DCLK2: variants seen among roughly 807,000 people sequenced by gnomAD.
The protein encoded by DCLK2 is doublecortin like kinase 2.
DCLK2 carries 31 observed loss-of-function variants against 78.4 expected under a neutral mutation model. The ratio of observed to expected loss-of-function variants is 0.40; its 90% CI spans 0.30 to 0.53. The LOEUF (loss-of-function observed/expected upper bound fraction) is 0.53, where lower values mean the gene tolerates loss of function less well. Among genes scored for constraint, DCLK2 ranks in the 20% least tolerant of loss-of-function variants. The pLI is 0.61. For synonymous variants in DCLK2, 407 were observed against 374.9 expected (o/e 1.09, Z -0.99); for missense variants, 872 against 973.7 (o/e 0.90, Z 1.39).
chr4:150,249,446 A>AG, intron 14 of DCLK2, 122 bp from the exon 15 acceptor site: 1 of 742,710 alleles, frequency 1.3e-6, no homozygotes, highest in Non-Finnish European at 2.4e-6. Flanking sequence ...TGTGGCTAAG[A>AG]GGGGCCCATT....
intron 12 of DCLK2, among the ~76,000 whole-genome samples, chr4:150,246,185 C>T (rs1488768111): frequency 6.6e-6 from 1 of 152,126 alleles, no homozygotes; most frequent in African/African-American, 2.4e-5. Context: ...GCTGGGATTA[C>T]AGGTGCGCAC....
chr4:150,222,451 T>A (rs889931834), intron 7 of DCLK2, among the ~76,000 whole-genome samples: 11 of 152,326 alleles, frequency 7.2e-5, no homozygotes, highest in Admixed American at 3.3e-4. Context: ...TCTGTACTTG[T>A]ATTAAATCGC....
chr4:150,221,516 G>A (rs931266664), intron 6 of DCLK2, among the ~76,000 whole-genome samples, 161 bp from the exon 7 acceptor site: 12 of 152,116 alleles, frequency 7.9e-5, no homozygotes, highest in African/African-American at 2.9e-4. Flanking sequence ...AAGGAAATTG[G>A]TGATTCAGGT....
At chr4:150,092,814 A>G (rs556312704) in intron 1 of DCLK2, among the ~76,000 whole-genome samples, 6 of 152,318 alleles carry the variant, frequency 3.9e-5, no homozygotes, top group African/African-American at 9.6e-5. Context: ...AATAAAGACC[A>G]TATATGAAAA....
intron 2 of DCLK2, among the ~76,000 whole-genome samples, chr4:150,131,295 A>G (rs1733295770): frequency 6.6e-6 from 1 of 152,202 alleles, no homozygotes; most frequent in Non-Finnish European, 1.5e-5. Flanking sequence ...ATGTGATATT[A>G]AAAATACATA....
chr4:150,090,863 G>A (rs1399760567), intron 1 of DCLK2, among the ~76,000 whole-genome samples: 3 of 152,076 alleles, frequency 2.0e-5, no homozygotes, highest in African/African-American at 7.2e-5. Context: ...AAAAGTAATG[G>A]TCTTTGAGGT....
intron 11 of DCLK2, 47 bp from the exon 12 acceptor site, chr4:150,240,352 C>A: frequency 1.3e-6 from 2 of 1,554,528 alleles, no homozygotes; most frequent in Non-Finnish European, 1.8e-6. Context: ...ATGGAAGGGT[C>A]TTGGGAGCCA....
rs1156796829 is a variant in DCLK2 at position 150,223,601 on chromosome 4, A to G, written c.1242-900A>G. Among the ~76,000 whole-genome samples, 8 of 152,170 alleles carry G rather than the reference A, an allele frequency of 5.3e-5. No homozygotes were observed. In the South Asian group the frequency reaches 1.7e-3, roughly 32 times the overall value. ...CTACTAAAAATACAAAAATTAGCCC[A>G]GTGGTGTTGGCAGGTGCCTGTAATC... is the stretch of plus-strand genomic sequence containing the variant. On this transcript the variant is annotated intron_variant, in intron 7 of 15. Transcript: ENST00000296550.
At chr4:150,238,778 T>G (rs1742691595) in intron 10 of DCLK2, among the ~76,000 whole-genome samples, 1 of 152,190 alleles carries the variant, frequency 6.6e-6, no homozygotes, top group Non-Finnish European at 1.5e-5. Flanking sequence ...AGAAATGTGC[T>G]CAGAGAGGTT....
Position 150,220,793 on chromosome 4 carries a change from G to C in DCLK2, c.1132+15G>C. 6.2e-7 allele frequency: 1 copy of C among 1,604,738 alleles called. No individual in the cohort carries two copies. The highest frequency in any genetic ancestry group is 1.1e-5 in the South Asian group (1 of 90,100). On this transcript the variant is annotated intron_variant, in intron 6 of 15. Coordinates refer to ENST00000296550, the MANE Select transcript of DCLK2 (RefSeq NM_001040260.4). ...AAGTCCTGAAGGTAGTTCTCAGTCT[G>C]ATCATTACTTTGATAAAGGAAATCA...
intron 2 of DCLK2, among the ~76,000 whole-genome samples, chr4:150,124,074 A>T (rs999421430): frequency 6.6e-6 from 1 of 152,066 alleles, no homozygotes; most frequent in Non-Finnish European, 1.5e-5. Context: ...AGAGCGCCAC[A>T]CTTGAAAGAG....
chr4:150,245,275 C>G (rs1185901557), intron 12 of DCLK2, among the ~76,000 whole-genome samples: 1 of 152,208 alleles, frequency 6.6e-6, no homozygotes, highest in Admixed American at 6.5e-5. Context: ...TTTCTCTTGC[C>G]TGGCCCAGTT....
chr4:150,080,879 A>C (rs1208162865), intron 1 of DCLK2, among the ~76,000 whole-genome samples: 1 of 152,166 alleles, frequency 6.6e-6, no homozygotes, highest in Non-Finnish European at 1.5e-5. Flanking sequence ...TTGTGACTTC[A>C]CCCATTCTGT....
At chr4:150,212,536 A>G (rs963829074) in intron 5 of DCLK2, among the ~76,000 whole-genome samples, 1 of 152,224 alleles carries the variant, frequency 6.6e-6, no homozygotes, top group South Asian at 2.1e-4. Flanking sequence ...TGGTGACTTC[A>G]TCTTTCCATA....
Position 150,139,866 on chromosome 4 carries a change from T to C in DCLK2, c.756+37054T>C, listed in dbSNP as rs567654833. 8.5e-5 allele frequency among the ~76,000 whole-genome samples: 13 copies of C among 152,350 alleles called. No individual in the cohort carries two copies. In the South Asian group the frequency reaches 2.3e-3, roughly 27 times the overall value. The stretch of plus-strand genomic sequence containing the variant: ...TCTTGTCATTCCATCCTTTTAAATG[T>C]ATAATTTCAAAGTTTATATGCAATT... On this transcript the variant is annotated intron_variant, in intron 2 of 15. Coordinates refer to ENST00000296550, the MANE Select transcript of DCLK2 (RefSeq NM_001040260.4).
chr4:150,079,133 A>G lies in DCLK2; in HGVS notation c.106A>G (p.Ser36Gly). The G allele has an allele frequency of 6.3e-7, 1 of 1,586,884 alleles. No individual in the cohort carries two copies. Among genetic ancestry groups the G allele is most frequent in the Non-Finnish European group, 8.6e-7 (1 of 1,167,700 alleles). Residue 36 changes from serine to glycine, a missense_variant, in exon 1 of 16, where the codon AGC (serine) becomes GGC (glycine). Physicochemically the swap from Ser to Gly is moderately conservative, Grantham distance 56. This residue lies in a region of DCLK2 where 567 missense variants were observed against 593.4 expected (regional missense o/e 0.96). Transcript: ENST00000296550. Reference sequence around the variant, plus strand: ...CCCCAGCTCCTCCGGGGGCAGCAGCAGCTCGGGCCCCAAGGGGAACGGGCT... The same window carrying G: ...CCCCAGCTCCTCCGGGGGCAGCAGCGGCTCGGGCCCCAAGGGGAACGGGCT... ...GAPSSSGGSS[S>G]SGPKGNGLIP...
Position 150,249,634 on chromosome 4 carries a change from A to G in DCLK2, c.2023A>G (p.Asn675Asp), listed in dbSNP as rs758462060. 1 of 1,613,780 alleles carries G rather than the reference A, an allele frequency of 6.2e-7. No individual in the cohort carries two copies. Among genetic ancestry groups the G allele is most frequent in the Non-Finnish European group, 8.5e-7 (1 of 1,179,962 alleles). The change falls in exon 15 of 16, where the codon AAT (asparagine) becomes GAT (aspartate). Residue 675 changes from asparagine to aspartate, a missense_variant. Physicochemically the swap from Asn to Asp is conservative, Grantham distance 23 (BLOSUM62 1). Coordinates refer to ENST00000296550, the MANE Select transcript of DCLK2 (RefSeq NM_001040260.4). Reference sequence around the variant, plus strand: ...AGGTAAACTAAAACAGCACTTTAATAATGCGCTCCCCAAACAGAACAGCAC... The same window carrying G: ...AGGTAAACTAAAACAGCACTTTAATGATGCGCTCCCCAAACAGAACAGCAC... ...VTGKLKQHFNNALPKQNSTTT... is the reference protein window; with the variant it reads ...VTGKLKQHFNDALPKQNSTTT...
chr4:150,125,101 T>G (rs1205217417), intron 2 of DCLK2, among the ~76,000 whole-genome samples: 1 of 152,228 alleles, frequency 6.6e-6, no homozygotes, highest in Non-Finnish European at 1.5e-5. Flanking sequence ...ATGCATGTTG[T>G]CATGTCGTTC....
chr4:150,234,139 G>T (rs928911842), intron 10 of DCLK2, among the ~76,000 whole-genome samples: 1 of 152,092 alleles, frequency 6.6e-6, no homozygotes, highest in East Asian at 1.9e-4. Context: ...GTCCATACTG[G>T]TCTTCATTTG....
Sources: gnomAD v4.1 joint callset for allele counts (sites outside exome capture counted in the v4.1 genomes callset) on GRCh38, gnomAD v4.1.1 for gene constraint, gnomAD v4.1.1 regional missense constraint, MANE v1.5 for transcripts, NCBI Gene and HGNC (gene_info 2026-07-23, HGNC 2026-07-21) for gene names.